The following TMEM87B variants were observed in gnomAD, a reference collection of about 807,000 sequenced individuals.
TMEM87B encodes transmembrane protein 87B.
In TMEM87B, 83 loss-of-function variants were observed where a neutral mutation model predicts 80.3. The ratio of observed to expected loss-of-function variants is 1.03; its 90% CI spans 0.87 to 1.24. The LOEUF is 1.24. Among genes scored for constraint, TMEM87B ranks in the 50% most tolerant of loss-of-function variants. TMEM87B has a pLI of 0.00. For missense variants in TMEM87B, 625 were observed against 674.4 expected (o/e 0.93, Z 0.81); for synonymous variants, 219 against 230.5 (o/e 0.95, Z 0.45).
intron 8 of TMEM87B, among the ~76,000 whole-genome samples, chr2:112,085,691 T>C (rs1329294178): frequency 6.6e-6 from 1 of 152,200 alleles, no homozygotes; most frequent in Non-Finnish European, 1.5e-5. Context: ...TTTTTAAATA[T>C]TTACAGGACA....
At chr2:112,067,329 T>G (rs1187234222) in intron 4 of TMEM87B, among the ~76,000 whole-genome samples, 5 of 152,196 alleles carry the variant, frequency 3.3e-5, no homozygotes, top group Non-Finnish European at 7.4e-5. Flanking sequence ...GATACGTGGC[T>G]GGGCGCGGTG....
At chr2:112,059,905 T>A (rs1558826182) in intron 1 of TMEM87B, 72 bp from the exon 2 acceptor site, 1 of 1,542,436 alleles carries the variant, frequency 6.5e-7, no homozygotes, top group Non-Finnish European at 8.8e-7. Context: ...TAGAACTCTA[T>A]ATGTTGTGGG....
In TMEM87B at chr2:112,098,602, T is replaced by G; in HGVS notation, c.1280T>G (p.Met427Arg). Reference sequence around the variant, plus strand: ...GAATTGTCCTTCTTTTAGGATTGGATGGAACGCTGGGTTGACGATGCATTT... The same window carrying G: ...GAATTGTCCTTCTTTTAGGATTGGAGGGAACGCTGGGTTGACGATGCATTT... ...FRIAKCQSDWMERWVDDAFWS... is the reference protein window; with the variant it reads ...FRIAKCQSDWRERWVDDAFWS... Residue 427 changes from methionine (M) to arginine (R), a missense_variant, in exon 14 of 19, where the codon ATG (methionine) becomes AGG (arginine). Physicochemically the swap from Met to Arg is moderately conservative, Grantham distance 91. Transcript: ENST00000283206. 6.2e-7 allele frequency: 1 copy of G among 1,614,140 alleles called. No individual in the cohort carries two copies. The highest frequency in any genetic ancestry group is 8.5e-7 in the Non-Finnish European group (1 of 1,179,984).
chr2:112,080,466 A>G (rs1022126641), intron 6 of TMEM87B, among the ~76,000 whole-genome samples: 31 of 148,758 alleles, frequency 2.1e-4, no homozygotes, highest in African/African-American at 6.7e-4. Flanking sequence ...TCACCGTGTT[A>G]GCCAGGATGG....
At chr2:112,057,908 A>G (rs10175344) in intron 1 of TMEM87B, among the ~76,000 whole-genome samples, 6,055 of 150,704 alleles carry the variant, frequency 0.04, 117 homozygotes, top group African/African-American at 0.055. Flanking sequence ...GCTCACTGCA[A>G]CTTCCACCTC....
intron 2 of TMEM87B, among the ~76,000 whole-genome samples, chr2:112,061,366 T>C (rs1030151414): frequency 1.3e-5 from 2 of 152,226 alleles, no homozygotes; most frequent in Non-Finnish European, 2.9e-5. Flanking sequence ...GTCATGCCTC[T>C]TTCCTTTCAC....
rs558143826 is a variant in TMEM87B, at chr2:112,065,710, G to A, written c.319-1226G>A. Reference sequence around the variant, plus strand: ...ATTGTCTTTTAGAGCAGGCGCCCCCGCTCCCCCTGCACACACACTCCACAC... The same window carrying A: ...ATTGTCTTTTAGAGCAGGCGCCCCCACTCCCCCTGCACACACACTCCACAC... On this transcript the variant is annotated intron_variant, in intron 3 of 18. Coordinates refer to ENST00000283206, the MANE Select transcript of TMEM87B (RefSeq NM_032824.3). Among the ~76,000 whole-genome samples the A allele has an allele frequency of 1.2e-4, 18 of 145,464 alleles. No individual in the cohort carries two copies. In the East Asian group the frequency reaches 2.4e-3, roughly 19 times the overall value.
At chr2:112,079,077 G>A (rs1302556298) in intron 6 of TMEM87B, among the ~76,000 whole-genome samples, 1 of 152,128 alleles carries the variant, frequency 6.6e-6, no homozygotes, top group Non-Finnish European at 1.5e-5. Context: ...AGTCAAACTA[G>A]TTAACATACT....
chr2:112,107,505 A>G (rs1032595826), intron 16 of TMEM87B, among the ~76,000 whole-genome samples: 6 of 152,146 alleles, frequency 3.9e-5, no homozygotes, highest in African/African-American at 1.4e-4. Context: ...TATCTTACAA[A>G]TGAACTTTGT....
chr2:112,085,405 C>G (rs1199972834), intron 8 of TMEM87B, among the ~76,000 whole-genome samples: 2 of 152,100 alleles, frequency 1.3e-5, no homozygotes, highest in Non-Finnish European at 2.9e-5. Flanking sequence ...ATTTAGATGT[C>G]ACTTTTTCTG....
At chr2:112,086,493 ACCTGTCTGTC>A (rs1454574150) in intron 9 of TMEM87B, among the ~76,000 whole-genome samples, 1 of 152,102 alleles carries the variant, frequency 6.6e-6, no homozygotes, top group African/African-American at 2.4e-5. Context: ...TCTGACTGAA[ACCTGTCTGTC>A]CCTCAAGGAC....
At chr2:112,094,161 C>CTT (rs755031584) in intron 11 of TMEM87B, among the ~76,000 whole-genome samples, 2 of 128,758 alleles carry the variant, frequency 1.6e-5, no homozygotes, top group Admixed American at 7.8e-5. Flanking sequence ...ATTTCTTGTT[C>CTT]TTTTTTTTTT....
At chr2:112,066,913 A>G (rs1239267323) in intron 3 of TMEM87B, 23 bp from the exon 4 acceptor site, 1 of 1,546,898 alleles carries the variant, frequency 6.5e-7, no homozygotes, top group Non-Finnish European at 8.7e-7. Context: ...ATAAATTATA[A>G]CATAGAATTT....
chr2:112,107,389 TATC>T (rs1182335720), intron 16 of TMEM87B, among the ~76,000 whole-genome samples: 1 of 151,746 alleles, frequency 6.6e-6, no homozygotes, highest in Admixed American at 6.6e-5. Flanking sequence ...ATGTTTGTAT[TATC>T]ATCATTTTTT....
chr2:112,077,837 C>G (rs953303710), intron 6 of TMEM87B, among the ~76,000 whole-genome samples: 2 of 152,186 alleles, frequency 1.3e-5, no homozygotes, highest in East Asian at 1.9e-4. Flanking sequence ...AGTAGACTTG[C>G]AATAAGCAGT....
At chr2:112,063,553 A>AT (rs1212981438) in intron 2 of TMEM87B, among the ~76,000 whole-genome samples, 3 of 152,108 alleles carry the variant, frequency 2.0e-5, no homozygotes, top group Admixed American at 6.5e-5. Flanking sequence ...CACCCTGGGC[A>AT]TTTACATGTT....
chr2:112,108,414 T>G (rs1457782484), intron 17 of TMEM87B, among the ~76,000 whole-genome samples: 1 of 152,200 alleles, frequency 6.6e-6, no homozygotes, highest in African/African-American at 2.4e-5. Context: ...ATGATATTCC[T>G]TTTGCCTGAA....
chr2:112,066,173 C>T (rs1051386605), intron 3 of TMEM87B, among the ~76,000 whole-genome samples: 4 of 152,208 alleles, frequency 2.6e-5, no homozygotes, highest in African/African-American at 7.2e-5. Flanking sequence ...CCTGATGAGT[C>T]AGTCATTACT....
intron 8 of TMEM87B, 27 bp downstream of exon 8, chr2:112,081,545 T>C (rs1282922895): frequency 1.3e-6 from 2 of 1,578,388 alleles, no homozygotes; most frequent in East Asian, 2.2e-5. Flanking sequence ...TCTGTAAATA[T>C]AGTATGATCT....
Sources: allele counts gnomAD v4.1 joint callset (sites outside exome capture counted in the v4.1 genomes callset), GRCh38; gene constraint gnomAD v4.1.1; transcripts MANE v1.5; gene names NCBI Gene and HGNC (gene_info 2026-07-23, HGNC 2026-07-21).